TANC2: variants seen among roughly 807,000 people sequenced by gnomAD.
TANC2 encodes tetratricopeptide repeat, ankyrin repeat and coiled-coil containing 2.
A neutral mutation model predicts 210.5 loss-of-function variants in TANC2; 26 were observed. The observed-to-expected ratio is 0.12, with a 90% CI of 0.09 to 0.17. The LOEUF is 0.17. Among genes scored for constraint, TANC2 ranks in the 10% least tolerant of loss-of-function variants. The probability of loss-of-function intolerance (pLI) is 1.00; values close to 1 mark genes in which losing one functional copy is unlikely to be tolerated. For missense variants in TANC2, 2,129 were observed against 2,608.9 expected (o/e 0.82, Z 4.01); for synonymous variants, 931 against 967.1 (o/e 0.96, Z 0.69).
chr17:63,346,713 C>T (rs920809363), intron 12 of TANC2, among the ~76,000 whole-genome samples: 1 of 151,888 alleles, frequency 6.6e-6, no homozygotes, highest in African/African-American at 2.4e-5. Flanking sequence ...TTGTCAGTTT[C>T]TTTTTTTTGA....
Position 63,175,063 on chromosome 17 carries a change from A to G in TANC2, c.434-18928A>G, listed in dbSNP as rs567178684. On this transcript the variant is annotated intron_variant, in intron 5 of 27. Coordinates refer to ENST00000689528, the Ensembl canonical transcript of TANC2. ...AGCAATTTCCCCAAATTGAGTGAAC[A>G]TAATCCAAAGAAAAAAACTATTTGT... Among the ~76,000 whole-genome samples, 17 of 152,364 alleles carry G rather than the reference A, an allele frequency of 1.1e-4. No homozygotes were observed. The South Asian group carries it at 3.3e-3, about 30-fold the overall frequency.
rs531140012 is a variant in TANC2 at position 63,188,545 on chromosome 17, C to A, written c.434-5446C>A. The stretch of plus-strand genomic sequence containing the variant: ...GAGGCGGAGGTTGCAGTGAGCTGAG[C>A]CCCACTGTACTCCAGCCTGGTGACA... On this transcript the variant is annotated intron_variant, in intron 5 of 27. Coordinates refer to ENST00000689528, the Ensembl canonical transcript of TANC2. 4.0e-5 allele frequency among the ~76,000 whole-genome samples: 6 copies of A among 150,454 alleles called. No homozygotes were observed. The South Asian group carries it at 1.3e-3, about 32-fold the overall frequency.
At chr17:63,098,225 G>T (rs1222268923) in intron 3 of TANC2, among the ~76,000 whole-genome samples, 1 of 151,954 alleles carries the variant, frequency 6.6e-6, no homozygotes, top group Non-Finnish European at 1.5e-5. Context: ...CCTCCACAAA[G>T]ATTTATGTTT....
intron 2 of TANC2, among the ~76,000 whole-genome samples, chr17:63,053,850 A>G (rs867072152): frequency 1.3e-5 from 2 of 152,174 alleles, no homozygotes; most frequent in South Asian, 4.1e-4. Flanking sequence ...CTGACAGCAG[A>G]TTCTCTTTGC....
At chr17:63,155,861 C>G (rs1378839506) in intron 5 of TANC2, among the ~76,000 whole-genome samples, 1 of 152,000 alleles carries the variant, frequency 6.6e-6, no homozygotes, top group Non-Finnish European at 1.5e-5. Context: ...GATTTTTTAT[C>G]TGTATTGTAC....
rs1202046845 is a variant in TANC2 at position 63,070,992 on chromosome 17, A to G, written c.68-2951A>G. Among the ~76,000 whole-genome samples the G allele has an allele frequency of 3.9e-5, 6 of 152,336 alleles. No individual in the cohort carries two copies. The East Asian group carries it at 1.2e-3, about 29-fold the overall frequency. ...CTATAGGTGAGTTAAAAATGTTTCC[A>G]TCTCAAGTGGTTGATTTGATAAGAG... On this transcript the variant is annotated intron_variant, in intron 2 of 27. Coordinates refer to ENST00000689528, the Ensembl canonical transcript of TANC2.
chr17:63,080,704 G>A (rs748333495), intron 3 of TANC2, among the ~76,000 whole-genome samples: 4 of 152,120 alleles, frequency 2.6e-5, no homozygotes, highest in African/African-American at 4.8e-5. Flanking sequence ...CTTCAGTCTG[G>A]AAAGTTACAG....
chr17:63,216,330 T>G (rs2042025657), intron 7 of TANC2, among the ~76,000 whole-genome samples: 1 of 152,226 alleles, frequency 6.6e-6, no homozygotes, highest in Non-Finnish European at 1.5e-5. Flanking sequence ...ATTACAGGCC[T>G]GAGCCACCAT....
chr17:63,238,949 C>T (rs1287118150), intron 8 of TANC2, among the ~76,000 whole-genome samples: 3 of 152,106 alleles, frequency 2.0e-5, no homozygotes, highest in African/African-American at 7.2e-5. Flanking sequence ...ATCCAATCAC[C>T]TCCCACCAGG....
chr17:63,275,560 ACATCC>A (rs1031570352), intron 9 of TANC2, among the ~76,000 whole-genome samples: 5 of 152,166 alleles, frequency 3.3e-5, no homozygotes, highest in African/African-American at 1.2e-4. Flanking sequence ...ACTGAGTCAC[ACATCC>A]CTGAGGTTGC....
chr17:63,240,737 G>T (rs2042750959), intron 8 of TANC2, among the ~76,000 whole-genome samples: 1 of 152,150 alleles, frequency 6.6e-6, no homozygotes, highest in African/African-American at 2.4e-5. Flanking sequence ...AAGCTTTGAG[G>T]CAACTACCAA....
At chr17:63,029,163 A>G (rs937404284) in intron 2 of TANC2, among the ~76,000 whole-genome samples, 1 of 152,136 alleles carries the variant, frequency 6.6e-6, no homozygotes, top group South Asian at 2.1e-4. Context: ...ATCCTCATAT[A>G]TTACACAGCC....
chr17:63,318,702 T>G (rs192560098), intron 10 of TANC2, among the ~76,000 whole-genome samples: 70 of 152,354 alleles, frequency 4.6e-4, no homozygotes, highest in Admixed American at 1.3e-3. Context: ...TTGTTAGTAG[T>G]CTATTGAATG....
At chr17:63,021,158 A>G (rs2034332132) in intron 2 of TANC2, among the ~76,000 whole-genome samples, 1 of 152,318 alleles carries the variant, frequency 6.6e-6, no homozygotes, top group Middle Eastern at 3.4e-3. Flanking sequence ...ACTTAGTTAA[A>G]ATTTTTATTG....
At chr17:63,009,700 C>G in intron 2 of TANC2, 74 bp downstream of exon 2, 1 of 1,261,130 alleles carries the variant, frequency 7.9e-7, no homozygotes, top group South Asian at 1.3e-5. Flanking sequence ...TGAATTAATG[C>G]TGTAACACTT....
chr17:62,969,002 T>C (rs2031527659), intron 1 of TANC2, among the ~76,000 whole-genome samples: 1 of 152,118 alleles, frequency 6.6e-6, no homozygotes, highest in South Asian at 2.1e-4. Flanking sequence ...AATCCCGCAG[T>C]TGGTGTATGG....
rs775888174 is a variant in TANC2 at position 63,412,164 on chromosome 17, G to A, written c.3898+34G>A. The A allele has an allele frequency of 1.2e-6, 2 of 1,613,682 alleles. No homozygotes were observed. The highest frequency in any genetic ancestry group is 1.7e-6 in the Non-Finnish European group (2 of 1,179,764). On this transcript the variant is annotated intron_variant, in intron 23 of 27. Transcript: ENST00000689528. The surrounding 1 kb of genome is among the most constrained non-coding windows in gnomAD (Gnocchi z 4.2). ...AGGGAAGAGGATGTTGGCCATCTGT[G>A]CCCAGGGGCCAGACTGGTCCAGTGG...
chr17:63,215,058 T>C (rs1284133196), intron 7 of TANC2, among the ~76,000 whole-genome samples: 1 of 152,156 alleles, frequency 6.6e-6, no homozygotes, highest in Non-Finnish European at 1.5e-5. Flanking sequence ...CCTCTACCCA[T>C]TTCAGAACAA....
At chr17:63,357,728 A>G (rs1452433942) in intron 14 of TANC2, among the ~76,000 whole-genome samples, 1 of 152,252 alleles carries the variant, frequency 6.6e-6, no homozygotes, top group Non-Finnish European at 1.5e-5. Context: ...ATTTAATGCT[A>G]TTGGCAAAGC....
Sources: allele counts gnomAD v4.1 joint callset (sites outside exome capture counted in the v4.1 genomes callset), GRCh38; gene constraint gnomAD v4.1.1; non-coding constraint Gnocchi (gnomAD v3.1); transcripts MANE v1.5; gene names NCBI Gene and HGNC (gene_info 2026-07-23, HGNC 2026-07-21).